Variants in ZNF292 observed in about 807,000 individuals in gnomAD.
The protein encoded by ZNF292 is 16 zinc-finger domain protein.
Under a neutral mutation model 217.9 loss-of-function variants are expected in ZNF292, and 26 were observed. The observed-to-expected ratio is 0.12, with a 90% CI of 0.09 to 0.17. The LOEUF (loss-of-function observed/expected upper bound fraction) is 0.17. Among genes scored for constraint, ZNF292 ranks in the 10% least tolerant of loss-of-function variants. The pLI is 1.00. For synonymous variants in ZNF292, 1,257 were observed against 1,124.1 expected (o/e 1.12, Z -2.37); for missense variants, 2,904 against 3,175.2 (o/e 0.91, Z 2.05).
intron 5 of ZNF292, among the ~76,000 whole-genome samples, chr6:87,239,226 G>C (rs1261602376): frequency 6.6e-6 from 1 of 152,204 alleles, no homozygotes; most frequent in Non-Finnish European, 1.5e-5. Context: ...CGGCCGGGCA[G>C]AGGGGCTCCT....
At chr6:87,244,508 A>C (rs1299149173) in intron 6 of ZNF292, among the ~76,000 whole-genome samples, 1 of 152,226 alleles carries the variant, frequency 6.6e-6, no homozygotes, top group Non-Finnish European at 1.5e-5. Flanking sequence ...AAAGCAGTCC[A>C]TTATAAGCTC....
chr6:87,186,958 TGAG>T (rs1179371614), intron 1 of ZNF292, among the ~76,000 whole-genome samples: 17 of 152,266 alleles, frequency 1.1e-4, no homozygotes, highest in African/African-American at 3.9e-4. Context: ...ATGGGATAAA[TGAG>T]GAGGGTAAGA....
chr6:87,206,312 A>G (rs776584108), intron 1 of ZNF292, among the ~76,000 whole-genome samples: 1 of 150,204 alleles, frequency 6.7e-6, no homozygotes, highest in Non-Finnish European at 1.5e-5. Flanking sequence ...GAAGAATTCA[A>G]TCTACCACAC....
In ZNF292 at chr6:87,260,979, T is replaced by A; in HGVS notation, c.7350T>A (p.Asp2450Glu). The A allele has an allele frequency of 3.1e-6, 5 of 1,608,760 alleles. No homozygotes were observed. The highest frequency in any genetic ancestry group is 4.2e-6 in the Non-Finnish European group (5 of 1,177,230). ...EQEGAKNDVKDSDTCVSESND... is the reference protein window; with the variant it reads ...EQEGAKNDVKESDTCVSESND... ...AAGGTGCTAAGAATGATGTGAAAGATTCTGACACGTGTGTATCAGAGAGCA... is the reference window on the plus strand; with the variant it reads ...AAGGTGCTAAGAATGATGTGAAAGAATCTGACACGTGTGTATCAGAGAGCA... The change falls in exon 8 of 8, where the codon GAT (aspartate) becomes GAA (glutamate). Residue 2450 changes from aspartate to glutamate, a missense_variant. Transcript: ENST00000369577.
chr6:87,194,520 C>A (rs532170840), intron 1 of ZNF292, among the ~76,000 whole-genome samples: 2 of 151,972 alleles, frequency 1.3e-5, no homozygotes, highest in African/African-American at 4.8e-5. Context: ...AAGGAGACAA[C>A]CATGGATCTA....
At chr6:87,246,610 G>A (rs1166956406) in intron 7 of ZNF292, among the ~76,000 whole-genome samples, 1 of 152,202 alleles carries the variant, frequency 6.6e-6, no homozygotes, top group East Asian at 1.9e-4. Flanking sequence ...CACATCCATA[G>A]TCCCAGTACT....
chr6:87,155,813 G>C, intron 1 of ZNF292, 54 bp downstream of exon 1: 1 of 1,491,726 alleles, frequency 6.7e-7, no homozygotes. Flanking sequence ...GGGGAAGAGG[G>C]CGAGCGAGCG....
At chr6:87,200,687 G>A (rs768392317) in intron 1 of ZNF292, among the ~76,000 whole-genome samples, 3 of 152,156 alleles carry the variant, frequency 2.0e-5, no homozygotes, top group Non-Finnish European at 4.4e-5. Flanking sequence ...TGATTGGTTC[G>A]TGCCATCAGA....
At chr6:87,167,261 C>A (rs966997194) in intron 1 of ZNF292, among the ~76,000 whole-genome samples, 6 of 152,212 alleles carry the variant, frequency 3.9e-5, no homozygotes, top group Non-Finnish European at 4.4e-5. Context: ...GAAAAACTTG[C>A]AAAAGTTAAA....
intron 4 of ZNF292, among the ~76,000 whole-genome samples, chr6:87,228,153 T>G (rs562828924): frequency 2.6e-5 from 4 of 152,206 alleles, no homozygotes; most frequent in Admixed American, 2.0e-4. Context: ...TGAGGTGATA[T>G]CTCATTGTGA....
At position 87,261,832 on chromosome 6, in the gene ZNF292, CATTTT is replaced by C. The variant is rs1449735002; in HGVS notation, c.*38_*42del. 1.5e-6 allele frequency: 2 copies of C among 1,356,918 alleles called. No homozygotes were observed. Among genetic ancestry groups the C allele is most frequent in the Non-Finnish European group, 9.8e-7 (1 of 1,017,096 alleles). 84.1% of individuals were successfully genotyped at this position (1,356,918 alleles called of 1,614,324 possible). A position where few individuals can be genotyped will look rare whatever the true frequency, so the allele number is the denominator to read the frequency against. ...AATGTAGTATAAATACATCATTTAC[CATTTT>C]ATTTTAAATAGGAAGCCATCAAGCA... On this transcript the variant is annotated 3_prime_UTR_variant, in exon 8 of 8. Transcript: ENST00000369577.
intron 3 of ZNF292, among the ~76,000 whole-genome samples, chr6:87,216,788 C>T (rs943143530): frequency 2.0e-5 from 3 of 151,976 alleles, no homozygotes; most frequent in Admixed American, 2.0e-4. Context: ...AACTGAGGCT[C>T]ATACTCCAAA....
At position 87,240,666 on chromosome 6, in the gene ZNF292, C is replaced by T. The variant is rs545124594; in HGVS notation, c.742-2809C>T. Among the ~76,000 whole-genome samples, 53 of 152,282 alleles carry T rather than the reference C, an allele frequency of 3.5e-4. 1 individual carries two copies. The highest frequency in any genetic ancestry group is 3.0e-3 in the Admixed American group (46 of 15,298). On this transcript the variant is annotated intron_variant, in intron 5 of 7. Coordinates refer to ENST00000369577, the MANE Select transcript of ZNF292 (RefSeq NM_015021.3). ...GAACTCCTGACCTCACGTGATCCACCCCATTGGCTTCCCAAAGTGCTGGAA... is the reference window on the plus strand; with the variant it reads ...GAACTCCTGACCTCACGTGATCCACTCCATTGGCTTCCCAAAGTGCTGGAA...
At chr6:87,224,353 C>T (rs1336254761) in intron 4 of ZNF292, among the ~76,000 whole-genome samples, 2 of 151,614 alleles carry the variant, frequency 1.3e-5, no homozygotes. Flanking sequence ...CCTTAAGATT[C>T]CCTCTTTTGT....
chr6:87,163,014 CA>C lies in ZNF292; in HGVS notation c.168+7256del, dbSNP rs1435916916. 2.0e-5 allele frequency among the ~76,000 whole-genome samples: 3 copies of C among 152,152 alleles called. No homozygotes were observed. The East Asian group carries it at 5.8e-4, about 29-fold the overall frequency. On this transcript the variant is annotated intron_variant, in intron 1 of 7. Coordinates refer to ENST00000369577, the MANE Select transcript of ZNF292 (RefSeq NM_015021.3). ...TATTTTCCAGGAGAGCCTCCTGATT[CA>C]TTGTTTTTCTTTTGGCATTGGCAGT...
chr6:87,231,381 C>A (rs1195505092), intron 4 of ZNF292, among the ~76,000 whole-genome samples: 1 of 152,132 alleles, frequency 6.6e-6, no homozygotes, highest in South Asian at 2.1e-4. Flanking sequence ...AGTCAGAAGA[C>A]TCATTCTACT....
In ZNF292 at chr6:87,260,224, A is replaced by C; in HGVS notation, c.6595A>C (p.Met2199Leu). Residue 2199 changes from methionine to leucine, a missense_variant, in exon 8 of 8, where the codon ATG becomes CTG. Met to Leu is a conservative substitution (Grantham distance 15, BLOSUM62 2). Transcript: ENST00000369577. The stretch of plus-strand genomic sequence containing the variant: ...ACAACACTACATGAAACTTCATGAA[A>C]TGACTCCTGAAGAAATTGAAAGTAT... ...LIQHYMKLHEMTPEEIESMTA... is the reference protein window; with the variant it reads ...LIQHYMKLHELTPEEIESMTA... 2 of 1,613,636 alleles carry C rather than the reference A, an allele frequency of 1.2e-6. No individual in the cohort carries two copies. Among genetic ancestry groups the C allele is most frequent in the Non-Finnish European group, 1.7e-6 (2 of 1,179,620 alleles).
intron 1 of ZNF292, among the ~76,000 whole-genome samples, chr6:87,162,065 G>A (rs893397553): frequency 2.6e-5 from 4 of 152,186 alleles, no homozygotes; most frequent in Non-Finnish European, 4.4e-5. Flanking sequence ...TTCATTATCA[G>A]TGGATATTTA....
At chr6:87,187,892 A>T (rs1204538063) in intron 1 of ZNF292, among the ~76,000 whole-genome samples, 1 of 152,084 alleles carries the variant, frequency 6.6e-6, no homozygotes, top group East Asian at 1.9e-4. Context: ...GACAGTGGGG[A>T]ACAAGAGAGC....
Sources: gnomAD v4.1 joint callset for allele counts (sites outside exome capture counted in the v4.1 genomes callset) on GRCh38, gnomAD v4.1.1 for gene constraint, MANE v1.5 for transcripts, NCBI Gene and HGNC (gene_info 2026-07-23, HGNC 2026-07-21) for gene names.